The following ADAMTSL1 variants were observed in gnomAD, a reference collection of about 807,000 sequenced individuals.
The protein encoded by ADAMTSL1 is ADAMTS-like protein 1.
A neutral mutation model predicts 201.8 loss-of-function variants in ADAMTSL1; 126 were observed. The observed-to-expected ratio is 0.62, with a 90% CI of 0.54 to 0.72. The LOEUF is 0.72. Among genes scored for constraint, ADAMTSL1 ranks in the 30% least tolerant of loss-of-function variants. ADAMTSL1 has a pLI of 0.00. For synonymous variants in ADAMTSL1, 1,121 were observed against 903.4 expected (o/e 1.24, Z -4.32); for missense variants, 2,679 against 2,277.8 (o/e 1.18, Z -3.59).
chr9:18,640,815 C>T (rs1167935429), intron 7 of ADAMTSL1, among the ~76,000 whole-genome samples: 5 of 152,032 alleles, frequency 3.3e-5, no homozygotes, highest in Non-Finnish European at 4.4e-5. Flanking sequence ...ACTGCGTTAG[C>T]GCAGGCCTTT....
At position 18,604,947 on chromosome 9, in the gene ADAMTSL1, T is replaced by A. The variant is rs537268785; in HGVS notation, c.475-17296T>A. Among the ~76,000 whole-genome samples, 8 of 152,292 alleles carry A rather than the reference T, an allele frequency of 5.3e-5. No homozygotes were observed. The East Asian group carries it at 1.5e-3, about 29-fold the overall frequency. Reference sequence around the variant, plus strand: ...GAGCATAGCTGCTGCAACTTTTGAGTCTTTTACCCTTTAACAGCTAGGACA... The same window carrying A: ...GAGCATAGCTGCTGCAACTTTTGAGACTTTTACCCTTTAACAGCTAGGACA... On this transcript the variant is annotated intron_variant, in intron 4 of 28. Transcript: ENST00000380548.
At chr9:18,064,094 C>G (rs867626987) in intron 1 of ADAMTSL1, among the ~76,000 whole-genome samples, 3 of 152,154 alleles carry the variant, frequency 2.0e-5, no homozygotes, top group African/African-American at 7.2e-5. Flanking sequence ...TACTGTTGCT[C>G]CATATGGAAA....
intron 1 of ADAMTSL1, among the ~76,000 whole-genome samples, chr9:18,043,663 G>C (rs1246395445): frequency 1.3e-5 from 2 of 151,934 alleles, no homozygotes; most frequent in African/African-American, 4.8e-5. Flanking sequence ...ACTACATTTG[G>C]CTTTTATAAT....
chr9:18,844,447 T>C (rs1825950836), intron 23 of ADAMTSL1, among the ~76,000 whole-genome samples: 1 of 152,126 alleles, frequency 6.6e-6, no homozygotes. Flanking sequence ...CTGCCCCTAC[T>C]GGGGGGTGCC....
intron 1 of ADAMTSL1, among the ~76,000 whole-genome samples, chr9:18,153,476 G>T (rs1270736242): frequency 1.3e-5 from 2 of 152,116 alleles, no homozygotes; most frequent in African/African-American, 2.4e-5. Context: ...ACCAGGCACT[G>T]CTAGGCTTTC....
chr9:18,454,415 A>C (rs937228847), intron 2 of ADAMTSL1, among the ~76,000 whole-genome samples: 1 of 152,164 alleles, frequency 6.6e-6, no homozygotes, highest in African/African-American at 2.4e-5. Flanking sequence ...CCACAGACTC[A>C]CATGCTAATC....
At chr9:18,247,833 T>C (rs1478971601) in intron 2 of ADAMTSL1, among the ~76,000 whole-genome samples, 1 of 152,030 alleles carries the variant, frequency 6.6e-6, no homozygotes, top group Non-Finnish European at 1.5e-5. Flanking sequence ...CAAGTGTATG[T>C]GGAAAGGGCA....
chr9:18,048,891 AC>A (rs1821793046), intron 1 of ADAMTSL1, among the ~76,000 whole-genome samples: 1 of 152,166 alleles, frequency 6.6e-6, no homozygotes, highest in Admixed American at 6.5e-5. Flanking sequence ...ACAGAAATGT[AC>A]TTTTTGACAG....
At chr9:18,585,966 A>G (rs1478456169) in intron 4 of ADAMTSL1, among the ~76,000 whole-genome samples, 1 of 152,228 alleles carries the variant, frequency 6.6e-6, no homozygotes, top group Non-Finnish European at 1.5e-5. Flanking sequence ...ATCTATGACA[A>G]GCCCACAGCC....
At position 18,828,314 on chromosome 9, in the gene ADAMTSL1, A is replaced by G. The variant is rs190860566; in HGVS notation, c.4115-1529A>G. Among the ~76,000 whole-genome samples, 457 of 152,220 alleles carry G rather than the reference A, an allele frequency of 3.0e-3. 3 individuals carry two copies. Among genetic ancestry groups the G allele is most frequent in the African/African-American group, 0.01 (418 of 41,564 alleles). On this transcript the variant is annotated intron_variant, in intron 22 of 28. Transcript: ENST00000380548. ...GTAAGGACATTAGGAGGGGCCAACA[A>G]TTGGCCCAAAAAGAGCTGATTGTTT...
At chr9:18,604,518 G>A (rs1267802296) in intron 4 of ADAMTSL1, among the ~76,000 whole-genome samples, 6 of 152,058 alleles carry the variant, frequency 3.9e-5, no homozygotes, top group Non-Finnish European at 7.4e-5. Context: ...TATAATATTT[G>A]TCCTTTTTTT....
intron 15 of ADAMTSL1, among the ~76,000 whole-genome samples, chr9:18,725,825 A>G (rs1179098562): frequency 6.6e-6 from 1 of 152,244 alleles, no homozygotes; most frequent in Non-Finnish European, 1.5e-5. Context: ...ATATACATAT[A>G]AGAAGATATA....
At chr9:18,742,598 C>T (rs1227410178) in intron 15 of ADAMTSL1, among the ~76,000 whole-genome samples, 2 of 152,098 alleles carry the variant, frequency 1.3e-5, no homozygotes, top group African/African-American at 4.8e-5. Flanking sequence ...AGAGGAAGGG[C>T]TTGAATCAGT....
rs184569057 is a variant in ADAMTSL1 at position 18,910,758 on chromosome 9, A to C, written c.*2210A>C. The C allele has an allele frequency of 2.0e-5, 3 of 152,330 alleles. No individual in the cohort carries two copies. In the East Asian group the frequency reaches 5.8e-4, roughly 29 times the overall value. 9.4% of individuals were successfully genotyped at this position (152,330 alleles called of 1,614,324 possible). A position where few individuals can be genotyped will look rare whatever the true frequency, so the allele number is the denominator to read the frequency against. ...GGGTCTCAGTGAGCTGGCAGAACCT[A>C]GGTTTGGGTGGGAAGCAGAATGCTC... On this transcript the variant is annotated 3_prime_UTR_variant, in exon 29 of 29. Transcript: ENST00000380548.
intron 9 of ADAMTSL1, 70 bp from the exon 10 acceptor site, chr9:18,675,787 G>T: frequency 7.4e-7 from 1 of 1,355,784 alleles, no homozygotes; most frequent in Non-Finnish European, 1.0e-6. Context: ...TTTGTATAAT[G>T]TAATCATTTA....
chr9:18,568,149 C>G (rs16936852), intron 3 of ADAMTSL1, among the ~76,000 whole-genome samples: 3,946 of 152,220 alleles, frequency 0.026, 182 homozygotes, highest in African/African-American at 0.091. Context: ...GTATATAAGT[C>G]TGAATTTCAA....
At chr9:18,251,144 A>G (rs549493452) in intron 2 of ADAMTSL1, among the ~76,000 whole-genome samples, 1 of 152,300 alleles carries the variant, frequency 6.6e-6, no homozygotes, top group Admixed American at 6.5e-5. Flanking sequence ...GATTAGAAGA[A>G]TCATTACTGT....
chr9:18,519,296 T>C (rs1472137199), intron 2 of ADAMTSL1, among the ~76,000 whole-genome samples: 1 of 152,218 alleles, frequency 6.6e-6, no homozygotes, highest in African/African-American at 2.4e-5. Flanking sequence ...ATCTAGTCAC[T>C]GTTAGGTGAA....
At chr9:18,514,194 C>G (rs1411975251) in intron 2 of ADAMTSL1, among the ~76,000 whole-genome samples, 2 of 152,196 alleles carry the variant, frequency 1.3e-5, no homozygotes, top group South Asian at 4.1e-4. Context: ...TGTCAGTGTT[C>G]AAGTCCTTCA....
Sources: gnomAD v4.1 joint callset for allele counts (sites outside exome capture counted in the v4.1 genomes callset) on GRCh38, gnomAD v4.1.1 for gene constraint, MANE v1.5 for transcripts, NCBI Gene and HGNC (gene_info 2026-07-23, HGNC 2026-07-21) for gene names.